ANKS1B: variants seen among roughly 807,000 people sequenced by gnomAD.
The protein encoded by ANKS1B is ankyrin repeat and sterile alpha motif domain-containing protein 1B.
A neutral mutation model predicts 148.3 loss-of-function variants in ANKS1B; 36 were observed. The observed-to-expected ratio is 0.24, with a 90% CI of 0.19 to 0.32. The LOEUF is 0.32. ANKS1B is among the 10% of genes least tolerant of loss of function. The pLI, the probability that ANKS1B is intolerant of heterozygous loss-of-function variation, is 1.00. For missense variants in ANKS1B, 1,157 were observed against 1,542.6 expected (o/e 0.75, Z 4.19); for synonymous variants, 542 against 560.8 (o/e 0.97, Z 0.47).
intron 9 of ANKS1B, among the ~76,000 whole-genome samples, chr12:99,619,986 G>A (rs932283163): frequency 3.3e-4 from 50 of 152,140 alleles, no homozygotes; most frequent in African/African-American, 1.1e-3. Flanking sequence ...ACAAAAGAGA[G>A]CTTCTCCCAG....
chr12:98,934,897 A>G (rs1338799810), intron 17 of ANKS1B, among the ~76,000 whole-genome samples: 2 of 151,840 alleles, frequency 1.3e-5, no homozygotes, highest in Non-Finnish European at 2.9e-5. Context: ...TAGAATTTTC[A>G]AATATATAAG....
chr12:98,948,773 C>CT (rs201481068), intron 17 of ANKS1B, among the ~76,000 whole-genome samples: 1 of 147,850 alleles, frequency 6.8e-6, no homozygotes, highest in South Asian at 2.3e-4. Flanking sequence ...CCACACCCCC[C>CT]CCCACACACA....
At chr12:99,874,068 C>T (rs2091840140) in intron 1 of ANKS1B, among the ~76,000 whole-genome samples, 1 of 146,262 alleles carries the variant, frequency 6.8e-6, no homozygotes, top group Non-Finnish European at 1.5e-5. Flanking sequence ...TCTGGAGAAC[C>T]TTGACTAAAA....
intron 1 of ANKS1B, among the ~76,000 whole-genome samples, chr12:99,862,570 C>T (rs944729558): frequency 2.0e-5 from 3 of 152,178 alleles, no homozygotes; most frequent in African/African-American, 7.2e-5. Context: ...TGCTGATGAG[C>T]GCAGCTTTTT....
chr12:99,818,970 A>G (rs896195877), intron 2 of ANKS1B, among the ~76,000 whole-genome samples: 38 of 151,864 alleles, frequency 2.5e-4, no homozygotes, highest in Non-Finnish European at 4.7e-4. Flanking sequence ...CAACAGCAAG[A>G]TTCCCTGTAA....
chr12:99,005,952 GA>G (rs1340186509), intron 17 of ANKS1B, among the ~76,000 whole-genome samples: 1 of 152,188 alleles, frequency 6.6e-6, no homozygotes, highest in African/African-American at 2.4e-5. Context: ...CCATGACGAT[GA>G]AAGTCTTCTT....
chr12:99,620,925 T>C (rs2098039949), intron 9 of ANKS1B, among the ~76,000 whole-genome samples: 1 of 152,050 alleles, frequency 6.6e-6, no homozygotes, highest in African/African-American at 2.4e-5. Flanking sequence ...CAAGATACTA[T>C]ACAAAATGAA....
chr12:99,468,275 T>C (rs1465354003), intron 10 of ANKS1B, among the ~76,000 whole-genome samples: 1 of 152,156 alleles, frequency 6.6e-6, no homozygotes, highest in Non-Finnish European at 1.5e-5. Flanking sequence ...TTACACCTTA[T>C]ACAAAAATTA....
At chr12:99,149,001 T>C (rs967611844) in intron 15 of ANKS1B, among the ~76,000 whole-genome samples, 7 of 151,902 alleles carry the variant, frequency 4.6e-5, no homozygotes, top group Middle Eastern at 3.4e-3. Context: ...TTTTCTCTTG[T>C]ATCTTTAAAT....
chr12:99,570,285 C>A (rs1182031414), intron 9 of ANKS1B, among the ~76,000 whole-genome samples: 1 of 151,494 alleles, frequency 6.6e-6, no homozygotes, highest in Non-Finnish European at 1.5e-5. Flanking sequence ...AGCTGTATAG[C>A]AAATGATATT....
intron 17 of ANKS1B, among the ~76,000 whole-genome samples, chr12:98,868,517 A>G (rs2099637046): frequency 6.6e-6 from 1 of 152,264 alleles, no homozygotes; most frequent in South Asian, 2.1e-4. Flanking sequence ...TTAGCTGTGT[A>G]GACAAGGTGT....
At chr12:99,296,909 G>A (rs1045029428) in intron 12 of ANKS1B, among the ~76,000 whole-genome samples, 2 of 152,158 alleles carry the variant, frequency 1.3e-5, no homozygotes, top group Admixed American at 1.3e-4. Context: ...AAGACTGTGG[G>A]AACTTGACTG....
At chr12:99,183,232 C>T (rs2079354026) in intron 14 of ANKS1B, among the ~76,000 whole-genome samples, 2 of 152,278 alleles carry the variant, frequency 1.3e-5, no homozygotes, top group Admixed American at 6.5e-5. Context: ...ATCTAGATAT[C>T]ACAAGACACA....
At chr12:99,143,609 G>T (rs181682363) in intron 15 of ANKS1B, among the ~76,000 whole-genome samples, 6 of 152,164 alleles carry the variant, frequency 3.9e-5, no homozygotes, top group Admixed American at 6.5e-5. Flanking sequence ...CATGATCACT[G>T]CTACTGTTTG....
intron 14 of ANKS1B, among the ~76,000 whole-genome samples, chr12:99,157,200 A>C (rs1008892711): frequency 6.6e-6 from 1 of 152,258 alleles, no homozygotes; most frequent in Non-Finnish European, 1.5e-5. Context: ...GCTAAAAACA[A>C]GATACTATTT....
chr12:99,096,315 A>G (rs2056105046), intron 15 of ANKS1B, among the ~76,000 whole-genome samples: 1 of 151,810 alleles, frequency 6.6e-6, no homozygotes, highest in African/African-American at 2.4e-5. Context: ...TTTTCCCCAC[A>G]TTTATTTTTA....
chr12:98,998,992 T>C (rs2099931319), intron 17 of ANKS1B, among the ~76,000 whole-genome samples: 1 of 152,206 alleles, frequency 6.6e-6, no homozygotes, highest in African/African-American at 2.4e-5. Flanking sequence ...ATAATCTCTT[T>C]GTGGGTCATA....
chr12:99,854,098 G>A (rs779228418), intron 1 of ANKS1B, among the ~76,000 whole-genome samples: 6 of 152,280 alleles, frequency 3.9e-5, no homozygotes, highest in African/African-American at 1.4e-4. Flanking sequence ...TGCAAGCTCC[G>A]CCTCCTGGGT....
At chr12:98,965,001 G>T (rs964434402) in intron 17 of ANKS1B, among the ~76,000 whole-genome samples, 3 of 152,066 alleles carry the variant, frequency 2.0e-5, no homozygotes, top group Non-Finnish European at 4.4e-5. Flanking sequence ...AATACTTGAG[G>T]TGATGCATAC....
Sources: allele counts gnomAD v4.1 joint callset (sites outside exome capture counted in the v4.1 genomes callset), GRCh38; gene constraint gnomAD v4.1.1; transcripts MANE v1.5; gene names NCBI Gene and HGNC (gene_info 2026-07-23, HGNC 2026-07-21).